Variants in XRN1 observed in about 807,000 individuals in gnomAD.
The protein encoded by XRN1 is strand-exchange protein 1 homolog.
XRN1 carries 67 observed loss-of-function variants against 222.3 expected under a neutral mutation model. The observed-to-expected ratio is 0.30, with a 90% CI of 0.25 to 0.37. The LOEUF (loss-of-function observed/expected upper bound fraction) is 0.37. Among genes scored for constraint, XRN1 ranks in the 10% least tolerant of loss-of-function variants. The pLI, the probability that XRN1 is intolerant of heterozygous loss-of-function variation, is 1.00. For synonymous variants in XRN1, 643 were observed against 652.4 expected, an observed-to-expected ratio of 0.99 and a Z score of 0.22; for missense variants, 1,707 against 2,000.2, an observed-to-expected ratio of 0.85 and a Z score of 2.80.
chr3:142,310,439 G>C lies in XRN1; in HGVS notation c.*1072C>G, dbSNP rs2065050847. ...CACATTCACATATGACATGCAAAGA[G>C]AGAATCCCAGCATCATTGAACAGTT... On this transcript the variant is annotated 3_prime_UTR_variant, in exon 41 of 41. Transcript: ENST00000392981. The C allele has an allele frequency of 6.6e-6, 1 of 152,466 alleles. No homozygotes were observed. The highest frequency in any genetic ancestry group is 2.4e-5 in the African/African-American group (1 of 41,390). The allele number at this position is 152,466 out of a possible 1,614,324, so 9.4% of individuals were successfully genotyped here.
chr3:142,348,123 T>A (rs765955711), intron 32 of XRN1, among the ~76,000 whole-genome samples: 4 of 152,096 alleles, frequency 2.6e-5, no homozygotes, highest in Non-Finnish European at 5.9e-5. Context: ...GACTAGAGCA[T>A]GGCAGGGAAT....
At position 142,335,501 on chromosome 3, in the gene XRN1, C is replaced by G. The variant is rs769892975; in HGVS notation, c.3886G>C (p.Glu1296Gln). Residue 1296 changes from glutamate (E) to glutamine (Q), a missense_variant, in exon 34 of 41, where the codon GAG becomes CAG. By Grantham distance (29) the Glu-to-Gln change is conservative. Around this residue, in one of 2 missense-constraint regions of XRN1, gnomAD observed 473 missense variants for 482.0 expected, o/e 0.98. Coordinates refer to ENST00000392981, the MANE Select transcript of XRN1 (RefSeq NM_001282857.2). ...KHDPHRKFKE[E>Q]CKSPKAECWS... The stretch of plus-strand genomic sequence containing the variant: ...CACTCAGCTTTAGGACTCTTACACT[C>G]TTCTTTAACTAGAGACAAGAAAACA... The G allele has an allele frequency of 9.9e-6, 16 of 1,613,174 alleles. No individual in the cohort carries two copies. The highest frequency in any genetic ancestry group is 1.3e-5 in the Non-Finnish European group (15 of 1,179,640).
chr3:142,414,365 CCAT>C, intron 13 of XRN1, 74 bp from the exon 14 acceptor site: 11 of 1,142,380 alleles, frequency 9.6e-6, no homozygotes, highest in Non-Finnish European at 1.3e-5. Flanking sequence ...ATACTTTTCC[CCAT>C]ATTTTAACAA....
At position 142,310,332 on chromosome 3, in the gene XRN1, T is replaced by A. The variant is rs1182778037; in HGVS notation, c.*1179A>T. The A allele has an allele frequency of 6.8e-6, 1 of 146,898 alleles. No individual in the cohort carries two copies. The highest frequency in any genetic ancestry group is 1.9e-4 in the East Asian group (1 of 5,164). The allele number at this position is 146,898 out of a possible 1,614,324, so 9.1% of individuals were successfully genotyped here. ...CATATCACAAAAACTAAAGAATAAATATATATATATATATAAACATAGGCC... is the reference window on the plus strand; with the variant it reads ...CATATCACAAAAACTAAAGAATAAAAATATATATATATATAAACATAGGCC... On this transcript the variant is annotated 3_prime_UTR_variant, in exon 41 of 41. Transcript: ENST00000392981.
intron 29 of XRN1, among the ~76,000 whole-genome samples, chr3:142,362,169 G>C (rs566222518): frequency 8.3e-4 from 126 of 151,430 alleles, no homozygotes; most frequent in African/African-American, 2.9e-3. Flanking sequence ...ATGGAGTCTC[G>C]ATCTGTCGCC....
In XRN1 at chr3:142,362,587, A is replaced by AC. The variant is rs1192805803; in HGVS notation, c.3394+2459dup. 7.1e-5 allele frequency among the ~76,000 whole-genome samples: 3 copies of AC among 42,496 alleles called. No individual in the cohort carries two copies. In the East Asian group the frequency reaches 2.8e-3, roughly 39 times the overall value. 27.9% of individuals were successfully genotyped at this position (42,496 alleles called of 152,430 possible). A position where few individuals can be genotyped will look rare whatever the true frequency, so the allele number is the denominator to read the frequency against. On this transcript the variant is annotated intron_variant, in intron 29 of 40. Coordinates refer to ENST00000392981, the MANE Select transcript of XRN1 (RefSeq NM_001282857.2). ...CGGCCTTTTTTTCTTCGTCCCCCCT[A>AC]CCCCCGCCCCCACCCCCACCTCCAT...
intron 31 of XRN1, among the ~76,000 whole-genome samples, chr3:142,356,039 G>A (rs2066458140): frequency 6.6e-6 from 1 of 151,992 alleles, no homozygotes; most frequent in Admixed American, 6.6e-5. Flanking sequence ...AGTTTTGAAT[G>A]GTTTTATTTG....
Position 142,311,702 on chromosome 3 carries a change from C to T in XRN1, c.4894G>A (p.Val1632Ile). 3 of 1,614,116 alleles carry T rather than the reference C, an allele frequency of 1.9e-6. No individual in the cohort carries two copies. The highest frequency in any genetic ancestry group is 2.5e-6 in the Non-Finnish European group (3 of 1,179,986). Reference protein sequence around the residue: ...SQPDSSNIVKVSPRESSSASL... With the variant: ...SQPDSSNIVKISPRESSSASL... ...GCTGATGAGCTCTCCCGTGGACTTACTTTGACAATGTTGGAAGAATCTGGC... is the reference window on the plus strand; with the variant it reads ...GCTGATGAGCTCTCCCGTGGACTTATTTTGACAATGTTGGAAGAATCTGGC... The change falls in exon 41 of 41, where the codon GTA (valine) becomes ATA (isoleucine). Residue 1632 changes from valine to isoleucine, a missense_variant. Physicochemically the swap from Val to Ile is conservative, Grantham distance 29. This residue lies in a region of XRN1 where 473 missense variants were observed against 482.0 expected (regional missense o/e 0.98). Coordinates refer to ENST00000392981, the MANE Select transcript of XRN1 (RefSeq NM_001282857.2).
In XRN1 at chr3:142,365,343, C is replaced by T. The variant is rs141288780; in HGVS notation, c.3228G>A (p.Val1076=). 7.8e-5 allele frequency: 123 copies of T among 1,575,570 alleles called. 1 individual carries two copies. The Admixed American group carries it at 8.6e-4, about 11-fold the overall frequency. The change falls in exon 28 of 41, where the codon GTG becomes GTA. Residue 1076 remains valine (V), a synonymous_variant. Coordinates refer to ENST00000392981, the MANE Select transcript of XRN1 (RefSeq NM_001282857.2). ...GCAAATGGGGTTTCACTGTTACTCG[C>T]ACCTTCTTATTATTCTTTCTTTGCT... ...KCKQRKNNKK[V]RVTVKPHLLY... is the part of the protein sequence containing the mutation.
At position 142,375,939 on chromosome 3, in the gene XRN1, T is replaced by A. The variant is rs1188752824; in HGVS notation, c.2837A>T (p.His946Leu). ...ACCCACATTTGCTTTATGGTCTCCA[T>A]GAGGGCTGAATTTAAACCACACATG... ...FIGRGSRRNP[H>L]GDHKANVGLN... Residue 946 changes from histidine (H) to leucine (L), a missense_variant, in exon 25 of 41, where the codon CAT becomes CTT. His to Leu is a moderately conservative substitution (Grantham distance 99). Around this residue, in one of 2 missense-constraint regions of XRN1, gnomAD observed 1,234 missense variants for 1,518.2 expected, o/e 0.81. Coordinates refer to ENST00000392981, the MANE Select transcript of XRN1 (RefSeq NM_001282857.2). The A allele has an allele frequency of 6.2e-7, 1 of 1,612,442 alleles. No homozygotes were observed. Among genetic ancestry groups the A allele is most frequent in the East Asian group, 2.2e-5 (1 of 44,858 alleles).
chr3:142,412,628 T>A lies in XRN1; in HGVS notation c.1629A>T (p.Glu543Asp). ...LMTNEDSPII[E>D]YYPPDFKTDL... ...CAGTTTTAAAATCAGGTGGGTAATA[T>A]TCTATAATTGGTGAGTCTTCATTGG... Residue 543 changes from glutamate to aspartate, a missense_variant, in exon 15 of 41, where the codon GAA becomes GAT. By Grantham distance (45) the Glu-to-Asp change is conservative. Coordinates refer to ENST00000392981, the MANE Select transcript of XRN1 (RefSeq NM_001282857.2). The A allele has an allele frequency of 6.2e-7, 1 of 1,604,508 alleles. No homozygotes were observed. Among genetic ancestry groups the A allele is most frequent in the South Asian group, 1.1e-5 (1 of 89,614 alleles).
chr3:142,350,593 G>A (rs1317275000), intron 32 of XRN1, among the ~76,000 whole-genome samples: 2 of 152,132 alleles, frequency 1.3e-5, no homozygotes, highest in Non-Finnish European at 2.9e-5. Context: ...AGAATAGACT[G>A]TAGAGGAGCC....
At chr3:142,325,684 G>A (rs1233334528) in intron 37 of XRN1, among the ~76,000 whole-genome samples, 7 of 151,938 alleles carry the variant, frequency 4.6e-5, no homozygotes, top group Non-Finnish European at 8.8e-5. Context: ...ATGTGATACC[G>A]TTTATGCATT....
intron 1 of XRN1, among the ~76,000 whole-genome samples, chr3:142,437,484 A>C (rs892745372): frequency 4.6e-5 from 7 of 152,212 alleles, no homozygotes; most frequent in African/African-American, 1.7e-4. Context: ...CTAAACCCAT[A>C]GGATACTACA....
chr3:142,353,533 A>C (rs936108360), intron 32 of XRN1, among the ~76,000 whole-genome samples: 5 of 152,218 alleles, frequency 3.3e-5, no homozygotes, highest in Admixed American at 6.5e-5. Context: ...AAAATGGCAT[A>C]CTTACAACCA....
intron 37 of XRN1, among the ~76,000 whole-genome samples, chr3:142,326,955 T>C (rs2065533962): frequency 6.6e-6 from 1 of 152,204 alleles, no homozygotes; most frequent in Admixed American, 6.5e-5. Flanking sequence ...CTTGCATACC[T>C]GGGATGAATC....
intron 15 of XRN1, among the ~76,000 whole-genome samples, chr3:142,409,182 G>T (rs543514756): frequency 6.6e-6 from 1 of 152,152 alleles, no homozygotes; most frequent in South Asian, 2.1e-4. Flanking sequence ...TTGATAAATG[G>T]AAATTTTTTT....
chr3:142,312,769 C>T lies in XRN1; in HGVS notation c.4622-11G>A. 1.3e-6 allele frequency: 2 copies of T among 1,579,616 alleles called. No individual in the cohort carries two copies. The highest frequency in any genetic ancestry group is 1.7e-6 in the Non-Finnish European group (2 of 1,162,266). Reference sequence around the variant, plus strand: ...AAGGCATTATATTAGCTGTTAAAAACCAAGGAAAATTTTTCTTTTAGTAAA... The same window carrying T: ...AAGGCATTATATTAGCTGTTAAAAATCAAGGAAAATTTTTCTTTTAGTAAA... On this transcript the variant is annotated splice_polypyrimidine_tract_variant and intron_variant, in intron 39 of 40. Transcript: ENST00000392981.
At chr3:142,344,865 C>A (rs1379813968) in intron 33 of XRN1, among the ~76,000 whole-genome samples, 1 of 152,088 alleles carries the variant, frequency 6.6e-6, no homozygotes, top group Non-Finnish European at 1.5e-5. Flanking sequence ...TATAAAAATT[C>A]CAGCTGCCAT....
Sources: allele counts gnomAD v4.1 joint callset (sites outside exome capture counted in the v4.1 genomes callset), GRCh38; gene constraint gnomAD v4.1.1; regional missense constraint gnomAD v4.1.1; transcripts MANE v1.5; gene names NCBI Gene and HGNC (gene_info 2026-07-23, HGNC 2026-07-21).